Variants in PID1 observed in about 807,000 individuals in gnomAD.
PID1 encodes phosphotyrosine interaction domain containing 1, also known as PTB-containing, cubilin and LRP1-interacting protein.
Under a neutral mutation model 19.1 loss-of-function variants are expected in PID1, and 10 were observed. The observed-to-expected ratio is 0.52, with a 90% CI of 0.32 to 0.89. The LOEUF (loss-of-function observed/expected upper bound fraction) is 0.89. Ranked by LOEUF, PID1 falls within the 40% of genes least tolerant of loss-of-function variation. PID1 has a pLI of 0.03. For synonymous variants in PID1, 130 were observed against 116.0 expected (o/e 1.12, Z -0.78); for missense variants, 248 against 285.3 (o/e 0.87, Z 0.94).
chr2:229,173,013 G>A (rs1276535815), intron 1 of PID1, among the ~76,000 whole-genome samples: 3 of 152,224 alleles, frequency 2.0e-5, no homozygotes, highest in East Asian at 1.9e-4. Context: ...GATTACAGGC[G>A]TGAACCACTG....
chr2:229,182,817 A>G (rs893570352), intron 1 of PID1, among the ~76,000 whole-genome samples: 1 of 152,246 alleles, frequency 6.6e-6, no homozygotes, highest in African/African-American at 2.4e-5. Context: ...CACATGACCA[A>G]GCTGGCTGTT....
At chr2:229,080,834 T>C (rs1022544607) in intron 2 of PID1, among the ~76,000 whole-genome samples, 1 of 152,176 alleles carries the variant, frequency 6.6e-6, no homozygotes, top group Non-Finnish European at 1.5e-5. Context: ...AAGGTTCTCA[T>C]GCACGAATGC....
chr2:229,236,765 T>A (rs1689696097), intron 1 of PID1, among the ~76,000 whole-genome samples: 1 of 151,940 alleles, frequency 6.6e-6, no homozygotes, highest in Admixed American at 6.6e-5. Flanking sequence ...AGACGATGGG[T>A]TACAGAAGAC....
chr2:229,152,635 T>C (rs1690281386), intron 2 of PID1, among the ~76,000 whole-genome samples: 1 of 149,142 alleles, frequency 6.7e-6, no homozygotes, highest in South Asian at 2.1e-4. Context: ...CAGTGGGTTG[T>C]ACAGTTAAAT....
chr2:229,265,081 T>C (rs543066951), intron 1 of PID1, among the ~76,000 whole-genome samples: 41 of 152,354 alleles, frequency 2.7e-4, no homozygotes, highest in African/African-American at 9.4e-4. Context: ...AACTGAAACA[T>C]TGCTAGTAAG....
chr2:229,264,389 G>A (rs1490794504), intron 1 of PID1, among the ~76,000 whole-genome samples: 1 of 152,090 alleles, frequency 6.6e-6, no homozygotes, highest in East Asian at 1.9e-4. Flanking sequence ...AGATATAAGA[G>A]GTATGTCAAC....
chr2:229,050,683 T>G (rs1559210481), intron 2 of PID1, among the ~76,000 whole-genome samples: 1 of 152,136 alleles, frequency 6.6e-6, no homozygotes, highest in African/African-American at 2.4e-5. Flanking sequence ...AGACACATAC[T>G]TGTCCTGCCA....
intron 1 of PID1, among the ~76,000 whole-genome samples, chr2:229,247,016 T>A (rs940646057): frequency 2.6e-5 from 4 of 151,674 alleles, no homozygotes; most frequent in African/African-American, 7.3e-5. Flanking sequence ...ATAAGAAAAA[T>A]TCTACTCAGG....
intron 2 of PID1, among the ~76,000 whole-genome samples, chr2:229,135,036 A>T (rs1689831281): frequency 6.6e-6 from 1 of 152,242 alleles, no homozygotes; most frequent in African/African-American, 2.4e-5. Flanking sequence ...GGAGAAAATA[A>T]GAGAGAGAAG....
At chr2:229,090,221 T>G (rs1325082835) in intron 2 of PID1, among the ~76,000 whole-genome samples, 1 of 152,212 alleles carries the variant, frequency 6.6e-6, no homozygotes, top group Non-Finnish European at 1.5e-5. Context: ...TCTCATCAAA[T>G]AAGCTAATCA....
chr2:229,135,881 G>A (rs1423816606), intron 2 of PID1, among the ~76,000 whole-genome samples: 1 of 152,164 alleles, frequency 6.6e-6, no homozygotes, highest in Non-Finnish European at 1.5e-5. Context: ...AATGGAATGA[G>A]GTCTGAAAAC....
At chr2:229,152,723 AT>A (rs1397610200) in intron 2 of PID1, among the ~76,000 whole-genome samples, 3 of 152,098 alleles carry the variant, frequency 2.0e-5, no homozygotes, top group Non-Finnish European at 2.9e-5. Context: ...CGAAACATGA[AT>A]AGCCTAGCAA....
intron 1 of PID1, among the ~76,000 whole-genome samples, chr2:229,233,544 T>A (rs1166431084): frequency 6.7e-6 from 1 of 150,080 alleles, no homozygotes; most frequent in Non-Finnish European, 1.5e-5. Flanking sequence ...CAGGCTGGAG[T>A]GCAGTGGAGC....
chr2:229,110,024 T>C (rs886214693), intron 2 of PID1, among the ~76,000 whole-genome samples: 2 of 152,210 alleles, frequency 1.3e-5, no homozygotes, highest in African/African-American at 4.8e-5. Context: ...AAAGGAGCTT[T>C]AAGACTGCTG....
At chr2:229,070,231 T>C (rs1255077147) in intron 2 of PID1, among the ~76,000 whole-genome samples, 2 of 152,196 alleles carry the variant, frequency 1.3e-5, no homozygotes, top group South Asian at 2.1e-4. Flanking sequence ...ATTAGGTTTA[T>C]ATGAAGGGGG....
intron 2 of PID1, among the ~76,000 whole-genome samples, chr2:229,091,014 C>T (rs775201325): frequency 1.3e-5 from 2 of 152,122 alleles, no homozygotes; most frequent in Admixed American, 1.3e-4. Flanking sequence ...ATCTTTTGCC[C>T]ATTCTCTCTG....
chr2:229,097,726 T>A (rs1694998653), intron 2 of PID1, among the ~76,000 whole-genome samples: 1 of 152,194 alleles, frequency 6.6e-6, no homozygotes, highest in African/African-American at 2.4e-5. Flanking sequence ...GTGACACTTA[T>A]AAATCCCTCT....
chr2:229,062,943 T>G (rs1362925253), intron 2 of PID1, among the ~76,000 whole-genome samples: 1 of 152,072 alleles, frequency 6.6e-6, no homozygotes, highest in Non-Finnish European at 1.5e-5. Flanking sequence ...TATGATCCTT[T>G]GTATTTCAGT....
At chr2:229,176,257 G>A (rs549838111) in intron 1 of PID1, among the ~76,000 whole-genome samples, 4 of 152,154 alleles carry the variant, frequency 2.6e-5, no homozygotes, top group South Asian at 2.1e-4. Flanking sequence ...GAATGGTCTC[G>A]GTAAACAAAC....
Sources: allele counts gnomAD v4.1 joint callset (sites outside exome capture counted in the v4.1 genomes callset), GRCh38; gene constraint gnomAD v4.1.1; transcripts MANE v1.5; gene names NCBI Gene and HGNC (gene_info 2026-07-23, HGNC 2026-07-21).